The following FRYL variants were observed in gnomAD, a reference collection of about 807,000 sequenced individuals.
FRYL encodes the protein protein furry homolog-like.
Under a neutral mutation model 351.2 loss-of-function variants are expected in FRYL, and 150 were observed. The observed-to-expected ratio is 0.43, with a 90% CI of 0.37 to 0.49. The LOEUF (loss-of-function observed/expected upper bound fraction) is 0.49, where lower values mean the gene tolerates loss of function less well. Ranked by LOEUF, FRYL falls within the 20% of genes least tolerant of loss-of-function variation. The pLI is 0.00. For missense variants in FRYL, 3,036 were observed against 3,619.3 expected (o/e 0.84, Z 4.13); for synonymous variants, 1,153 against 1,257.1 (o/e 0.92, Z 1.75).
chr4:48,678,833 T>C (rs939420956), intron 3 of FRYL, among the ~76,000 whole-genome samples: 2 of 152,062 alleles, frequency 1.3e-5, no homozygotes, highest in East Asian at 3.8e-4. Flanking sequence ...ATATATACCA[T>C]AGGAAATTCT....
chr4:48,678,002 T>C (rs1034933062), intron 3 of FRYL, among the ~76,000 whole-genome samples: 3 of 152,218 alleles, frequency 2.0e-5, no homozygotes, highest in African/African-American at 7.2e-5. Flanking sequence ...GATTCACTTA[T>C]GTTGAGACGC....
intron 1 of FRYL, among the ~76,000 whole-genome samples, chr4:48,728,155 C>A (rs1770297269): frequency 6.6e-6 from 1 of 152,144 alleles, no homozygotes; most frequent in South Asian, 2.1e-4. Context: ...ACAGAGCAAG[C>A]ATCGGAACAA....
intron 1 of FRYL, among the ~76,000 whole-genome samples, chr4:48,757,228 G>A (rs1308496370): frequency 1.3e-5 from 2 of 152,192 alleles, no homozygotes; most frequent in Non-Finnish European, 1.5e-5. Flanking sequence ...ATTCAACATA[G>A]TGTTGGAAGT....
intron 55 of FRYL, among the ~76,000 whole-genome samples, chr4:48,519,746 T>G (rs1724493530): frequency 6.6e-6 from 1 of 151,630 alleles, no homozygotes; most frequent in Admixed American, 6.6e-5. Flanking sequence ...CTCTTTTTTT[T>G]TTCTTTGGGA....
At chr4:48,628,930 T>A (rs2149349960) in intron 4 of FRYL, among the ~76,000 whole-genome samples, 1 of 151,700 alleles carries the variant, frequency 6.6e-6, no homozygotes, top group Non-Finnish European at 1.5e-5. Context: ...CTGTTGATAG[T>A]GATTAGATGT....
At chr4:48,733,188 T>C (rs1770927849) in intron 1 of FRYL, among the ~76,000 whole-genome samples, 2 of 151,754 alleles carry the variant, frequency 1.3e-5, no homozygotes, top group South Asian at 4.2e-4. Context: ...GGAAGAAGAA[T>C]TGCTTGTACT....
intron 7 of FRYL, among the ~76,000 whole-genome samples, chr4:48,612,017 TTTGA>T (rs1748308991): frequency 6.6e-6 from 1 of 152,174 alleles, no homozygotes; most frequent in Non-Finnish European, 1.5e-5. Flanking sequence ...TGCAGATTAT[TTTGA>T]GCTAAAGGCA....
Position 48,623,131 on chromosome 4 carries a change from C to A in FRYL, c.169G>T (p.Asp57Tyr). 1 of 1,579,810 alleles carries A rather than the reference C, an allele frequency of 6.3e-7. No homozygotes were observed. Among genetic ancestry groups the A allele is most frequent in the South Asian group, 1.2e-5 (1 of 85,056 alleles). Residue 57 changes from aspartate (D) to tyrosine (Y), a missense_variant, in exon 5 of 64, where the codon GAT becomes TAT. This residue lies in a region of FRYL where 457 missense variants were observed against 566.6 expected (regional missense o/e 0.81). Coordinates refer to ENST00000358350, the MANE Select transcript of FRYL (RefSeq NM_015030.2). ...SLQRGEDLQFDQLISSMSSVA... is the reference protein window; with the variant it reads ...SLQRGEDLQFYQLISSMSSVA... ...TTCTCCCAAAATTGTCATACCTGAT[C>A]AAACTGAAGATCTTCACCCCTCTGA...
intron 1 of FRYL, among the ~76,000 whole-genome samples, chr4:48,747,353 A>C (rs537490813): frequency 7.9e-5 from 12 of 152,334 alleles, no homozygotes; most frequent in African/African-American, 2.6e-4. Flanking sequence ...ATTGTCTGGA[A>C]ATATTTTTCT....
chr4:48,544,994 TAGAA>T (rs1457840177), intron 42 of FRYL, 90 bp from the exon 43 acceptor site: 1 of 1,331,256 alleles, frequency 7.5e-7, no homozygotes, highest in Non-Finnish European at 1.0e-6. Context: ...CCTTTACAAT[TAGAA>T]AGGATGGTAG....
chr4:48,590,000 A>G (rs527568337), intron 17 of FRYL, 123 bp from the exon 18 acceptor site: 1 of 764,096 alleles, frequency 1.3e-6, no homozygotes, highest in East Asian at 2.6e-5. Context: ...AGGGGTTTCA[A>G]CTGTGACATA....
intron 1 of FRYL, among the ~76,000 whole-genome samples, chr4:48,729,638 C>G (rs1401237638): frequency 6.6e-6 from 1 of 152,216 alleles, no homozygotes; most frequent in Non-Finnish European, 1.5e-5. Context: ...TCCAACACAT[C>G]TGCAGCTGAG....
chr4:48,699,787 C>T (rs1287866582), intron 2 of FRYL, among the ~76,000 whole-genome samples: 1 of 123,038 alleles, frequency 8.1e-6, no homozygotes, highest in South Asian at 2.5e-4. Context: ...GAATATTTGG[C>T]CCCTGGATCA....
intron 5 of FRYL, among the ~76,000 whole-genome samples, chr4:48,622,864 T>G (rs933440842): frequency 3.3e-5 from 5 of 152,038 alleles, no homozygotes; most frequent in African/African-American, 1.2e-4. Flanking sequence ...AAGGAAAGAC[T>G]GAGGGATGTA....
chr4:48,704,508 A>C (rs1449775047), intron 2 of FRYL, among the ~76,000 whole-genome samples: 2 of 152,236 alleles, frequency 1.3e-5, no homozygotes, highest in Middle Eastern at 3.4e-3. Context: ...AGCTTTTAAA[A>C]AACAACAACA....
At chr4:48,653,644 C>G in intron 3 of FRYL, 1 of 1,043,916 alleles carries the variant, frequency 9.6e-7, no homozygotes, top group Non-Finnish European at 1.3e-6. Context: ...TCTGAAGAAT[C>G]AGCATGCAAG....
chr4:48,654,037 A>G (rs1758273207), intron 3 of FRYL: 3 of 643,700 alleles, frequency 4.7e-6, no homozygotes, highest in South Asian at 2.6e-5. Context: ...GTTTATTATA[A>G]GTGCCCAGAA....
intron 27 of FRYL, among the ~76,000 whole-genome samples, chr4:48,569,309 CT>C (rs1553933663): frequency 6.6e-6 from 1 of 151,630 alleles, no homozygotes; most frequent in African/African-American, 2.4e-5. Context: ...TTCTTTCTTT[CT>C]TTTTTTTTCT....
intron 4 of FRYL, among the ~76,000 whole-genome samples, chr4:48,630,801 T>C (rs1752826341): frequency 6.6e-6 from 1 of 152,184 alleles, no homozygotes; most frequent in Non-Finnish European, 1.5e-5. Flanking sequence ...TTAAATTCTT[T>C]CAGCAAAAGC....
Sources: allele counts gnomAD v4.1 joint callset (sites outside exome capture counted in the v4.1 genomes callset), GRCh38; gene constraint gnomAD v4.1.1; regional missense constraint gnomAD v4.1.1; transcripts MANE v1.5; gene names NCBI Gene and HGNC (gene_info 2026-07-23, HGNC 2026-07-21).